BTRC: variants seen among roughly 807,000 people sequenced by gnomAD.
The protein encoded by BTRC is F-box/WD repeat-containing protein 1A.
In BTRC, 42 loss-of-function variants were observed where a neutral mutation model predicts 85.5. The ratio of observed to expected loss-of-function variants is 0.49; its 90% CI spans 0.38 to 0.64. The LOEUF is 0.64. Among genes scored for constraint, BTRC ranks in the 30% least tolerant of loss-of-function variants. The probability of loss-of-function intolerance (pLI) is 0.00; values close to 1 mark genes in which losing one functional copy is unlikely to be tolerated. For missense variants in BTRC, 594 were observed against 743.5 expected, an observed-to-expected ratio of 0.80 and a Z score of 2.34; for synonymous variants, 255 against 263.3, an observed-to-expected ratio of 0.97 and a Z score of 0.30.
At chr10:101,482,494 C>G (rs1945864535) in intron 4 of BTRC, among the ~76,000 whole-genome samples, 1 of 144,992 alleles carries the variant, frequency 6.9e-6, no homozygotes, top group South Asian at 2.2e-4. Flanking sequence ...CTCCCGGTTT[C>G]ACGCCATTTT....
Position 101,538,388 on chromosome 10 carries a change from TTA to T in BTRC, c.1656+18_1656+19del, listed in dbSNP as rs1301362504. On this transcript the variant is annotated intron_variant, in intron 13 of 14. Coordinates refer to ENST00000370187, the MANE Select transcript of BTRC (RefSeq NM_033637.4). ...ACCCTTGTGGTAAGAGCCTTGCTGT[TTA>T]GAGAGCATTGGAGAGCAGGTGGGGG... is the stretch of plus-strand genomic sequence containing the variant. The T allele has an allele frequency of 1.3e-6, 2 of 1,597,402 alleles. No homozygotes were observed. Among genetic ancestry groups the T allele is most frequent in the Admixed American group, 3.3e-5 (2 of 59,976 alleles).
At chr10:101,385,158 G>A (rs970198744) in intron 1 of BTRC, among the ~76,000 whole-genome samples, 19 of 151,544 alleles carry the variant, frequency 1.3e-4, no homozygotes, top group Admixed American at 9.2e-4. Context: ...TGATTCCTCC[G>A]CTGCATTCCA....
chr10:101,478,941 G>GAA (rs765974783), intron 3 of BTRC, among the ~76,000 whole-genome samples: 8 of 98,024 alleles, frequency 8.2e-5, no homozygotes, highest in Admixed American at 1.0e-4. Flanking sequence ...TCCATCTGGG[G>GAA]AAAAAAAAAA....
intron 1 of BTRC, among the ~76,000 whole-genome samples, chr10:101,424,903 G>A (rs1441159488): frequency 1.3e-5 from 2 of 152,134 alleles, no homozygotes; most frequent in African/African-American, 2.4e-5. Flanking sequence ...ATCTCACCCA[G>A]GTAGAGAGTG....
chr10:101,422,542 C>T (rs1267187732), intron 1 of BTRC, among the ~76,000 whole-genome samples: 1 of 152,106 alleles, frequency 6.6e-6, no homozygotes, highest in Non-Finnish European at 1.5e-5. Flanking sequence ...AAGTCCTTGC[C>T]CATGCCTATG....
intron 2 of BTRC, among the ~76,000 whole-genome samples, chr10:101,448,479 G>A (rs1944882125): frequency 6.6e-6 from 1 of 152,032 alleles, no homozygotes; most frequent in South Asian, 2.1e-4. Context: ...ATGAAAAATT[G>A]AAGACATGAA....
At chr10:101,384,152 T>C (rs988474999) in intron 1 of BTRC, among the ~76,000 whole-genome samples, 6 of 152,256 alleles carry the variant, frequency 3.9e-5, no homozygotes, top group African/African-American at 1.2e-4. Flanking sequence ...TGTTATACTT[T>C]AGCAACTGGT....
intron 14 of BTRC, among the ~76,000 whole-genome samples, chr10:101,551,887 G>A (rs939603157): frequency 2.0e-5 from 3 of 152,138 alleles, no homozygotes; most frequent in Non-Finnish European, 2.9e-5. Context: ...CTCACCTCAC[G>A]GAACCCTGTG....
intron 14 of BTRC, among the ~76,000 whole-genome samples, 169 bp from the exon 15 acceptor site, chr10:101,552,986 C>T (rs1360427379): frequency 1.3e-5 from 2 of 152,168 alleles, no homozygotes; most frequent in Admixed American, 6.5e-5. Flanking sequence ...CCCCATCAGG[C>T]CAGGTCACCT....
chr10:101,369,664 A>G (rs937519639), intron 1 of BTRC, among the ~76,000 whole-genome samples: 6 of 152,220 alleles, frequency 3.9e-5, no homozygotes, highest in African/African-American at 9.6e-5. Context: ...CTCACAAGCC[A>G]TCATACTGGA....
rs755428307 is a variant in BTRC at position 101,526,180 on chromosome 10, C to T, written c.724C>T (p.Leu242=). 5 of 1,614,002 alleles carry T rather than the reference C, an allele frequency of 3.1e-6. 1 individual carries two copies. In the South Asian group the frequency reaches 5.5e-5, roughly 18 times the overall value. ...MVRTDSLWRG[L]AERRGWGQYL... ...CAGGACAGATTCTCTGTGGAGAGGC[C>T]TGGCAGAACGAAGAGGATGGTGAGC... The change falls in exon 6 of 15, where the codon CTG becomes TTG. Residue 242 remains leucine (L), a synonymous_variant. Coordinates refer to ENST00000370187, the MANE Select transcript of BTRC (RefSeq NM_033637.4).
chr10:101,427,962 G>C (rs1387620347), intron 1 of BTRC, among the ~76,000 whole-genome samples: 1 of 152,144 alleles, frequency 6.6e-6, no homozygotes, highest in Non-Finnish European at 1.5e-5. Context: ...GTATAAAGAA[G>C]TAATATGAGT....
chr10:101,551,838 A>G lies in BTRC; in HGVS notation c.*31+947A>G, dbSNP rs557233259. Among the ~76,000 whole-genome samples, 19 of 152,276 alleles carry G rather than the reference A, an allele frequency of 1.2e-4. No homozygotes were observed. The East Asian group carries it at 3.7e-3, about 29-fold the overall frequency. On this transcript the variant is annotated intron_variant, in intron 14 of 14. Coordinates refer to ENST00000370187, the MANE Select transcript of BTRC (RefSeq NM_033637.4). Reference sequence around the variant, plus strand: ...TGTGCCCTTAGACAAGTAACTTCCCAGACCCTGAATCTCTTGATGAGTAAC... The same window carrying G: ...TGTGCCCTTAGACAAGTAACTTCCCGGACCCTGAATCTCTTGATGAGTAAC...
chr10:101,535,399 C>A lies in BTRC; in HGVS notation c.1393C>A (p.His465Asn). 1 of 1,614,074 alleles carries A rather than the reference C, an allele frequency of 6.2e-7. No homozygotes were observed. Among genetic ancestry groups the A allele is most frequent in the Non-Finnish European group, 8.5e-7 (1 of 1,179,992 alleles). ...TCEFVRTLNG[H>N]KRGIACLQYR... ...TGAATTTGTAAGGACCTTAAATGGACACAAACGAGGCATTGCCTGTTTGCA... is the reference window on the plus strand; with the variant it reads ...TGAATTTGTAAGGACCTTAAATGGAAACAAACGAGGCATTGCCTGTTTGCA... Residue 465 changes from histidine (H) to asparagine (N), a missense_variant, in exon 11 of 15, where the codon CAC becomes AAC. Around this residue, in one of 4 missense-constraint regions of BTRC, gnomAD observed 373 missense variants for 503.6 expected, o/e 0.74. Transcript: ENST00000370187.
intron 2 of BTRC, among the ~76,000 whole-genome samples, chr10:101,434,873 G>C (rs904304751): frequency 6.6e-6 from 1 of 151,714 alleles, no homozygotes; most frequent in African/African-American, 2.4e-5. Flanking sequence ...GTCTTCAGGT[G>C]ATCTGCCCAC....
rs1446882894 is a variant in BTRC at position 101,526,065 on chromosome 10, A to T, written c.609A>T (p.Lys203Asn). 2 of 1,614,040 alleles carry T rather than the reference A, an allele frequency of 1.2e-6. No homozygotes were observed. The highest frequency in any genetic ancestry group is 2.2e-5 in the East Asian group (1 of 44,898). ...AENILSYLDAKSLCAAELVCK... is the reference protein window; with the variant it reads ...AENILSYLDANSLCAAELVCK... ...ACATTCTGTCATACCTGGATGCCAAATCACTATGTGCTGCTGAACTTGTGT... is the reference window on the plus strand; with the variant it reads ...ACATTCTGTCATACCTGGATGCCAATTCACTATGTGCTGCTGAACTTGTGT... Residue 203 changes from lysine (K) to asparagine (N), a missense_variant, in exon 6 of 15, where the codon AAA becomes AAT. This residue lies in a region of BTRC where 373 missense variants were observed against 503.6 expected (regional missense o/e 0.74). Transcript: ENST00000370187.
chr10:101,371,159 C>G (rs1402743380), intron 1 of BTRC, among the ~76,000 whole-genome samples: 1 of 129,430 alleles, frequency 7.7e-6, no homozygotes, highest in African/African-American at 2.6e-5. Context: ...CTGGCAACCA[C>G]TATTCTTTTT....
At chr10:101,392,383 A>C (rs912081815) in intron 1 of BTRC, among the ~76,000 whole-genome samples, 1 of 152,244 alleles carries the variant, frequency 6.6e-6, no homozygotes, top group African/African-American at 2.4e-5. Context: ...TGGAATTCCC[A>C]ATCTTCAGTA....
chr10:101,486,556 C>T (rs1196850753), intron 4 of BTRC, among the ~76,000 whole-genome samples: 1 of 151,938 alleles, frequency 6.6e-6, no homozygotes, highest in African/African-American at 2.4e-5. Flanking sequence ...CATGTTTCCT[C>T]CTAATACTAA....
Sources: allele counts gnomAD v4.1 joint callset (sites outside exome capture counted in the v4.1 genomes callset), GRCh38; gene constraint gnomAD v4.1.1; regional missense constraint gnomAD v4.1.1; transcripts MANE v1.5; gene names NCBI Gene and HGNC (gene_info 2026-07-23, HGNC 2026-07-21).